The following KLHL7 variants were observed in gnomAD, a reference collection of about 807,000 sequenced individuals.
The protein encoded by KLHL7 is kelch-like protein 7.
KLHL7 carries 44 observed loss-of-function variants against 67.4 expected under a neutral mutation model. The observed-to-expected ratio is 0.65, with a 90% CI of 0.51 to 0.84. KLHL7 has a LOEUF of 0.84. Ranked by LOEUF, KLHL7 falls within the 40% of genes least tolerant of loss-of-function variation. KLHL7 has a pLI of 0.00. For missense variants in KLHL7, 362 were observed against 718.1 expected (o/e 0.50, Z 5.67); for synonymous variants, 252 against 243.3 (o/e 1.04, Z -0.33).
chr7:23,120,710 G>A (rs778264507), intron 1 of KLHL7, among the ~76,000 whole-genome samples: 2 of 152,150 alleles, frequency 1.3e-5, no homozygotes, highest in Non-Finnish European at 2.9e-5. Context: ...GGGACTACAG[G>A]CATGTGCCAT....
intron 7 of KLHL7, among the ~76,000 whole-genome samples, chr7:23,156,777 G>C (rs1784718896): frequency 6.6e-6 from 1 of 152,190 alleles, no homozygotes; most frequent in Admixed American, 6.5e-5. Context: ...TTCATATTCA[G>C]AACTCTAAGG....
chr7:23,149,459 T>C (rs980944027), intron 6 of KLHL7, among the ~76,000 whole-genome samples: 1 of 152,206 alleles, frequency 6.6e-6, no homozygotes, highest in African/African-American at 2.4e-5. Context: ...ACTGGGAATA[T>C]TGCGTTCATA....
intron 6 of KLHL7, 25 bp downstream of exon 6, chr7:23,144,050 T>C (rs1484585189): frequency 2.5e-6 from 4 of 1,594,144 alleles, no homozygotes; most frequent in Non-Finnish European, 3.4e-6. Context: ...TAACCATTTA[T>C]AACCTGATCA....
intron 1 of KLHL7, among the ~76,000 whole-genome samples, chr7:23,117,428 G>T (rs951029391): frequency 4.0e-5 from 6 of 151,836 alleles, no homozygotes; most frequent in African/African-American, 1.5e-4. Flanking sequence ...TTCCTGTTTG[G>T]TCCATAACAC....
chr7:23,152,295 C>T, intron 7 of KLHL7, 86 bp downstream of exon 7: 1 of 1,192,552 alleles, frequency 8.4e-7, no homozygotes, highest in Non-Finnish European at 1.2e-6. Flanking sequence ...GTAGTAATAA[C>T]TCATACCTTT....
intron 1 of KLHL7, 42 bp from the exon 2 acceptor site, chr7:23,123,735 T>C (rs1346698467): frequency 7.4e-7 from 1 of 1,348,674 alleles, no homozygotes; most frequent in Admixed American, 1.7e-5. Context: ...CAAGCTAGGC[T>C]AGTGAGCCTC....
chr7:23,149,965 A>C (rs998990161), intron 6 of KLHL7, among the ~76,000 whole-genome samples: 3 of 152,164 alleles, frequency 2.0e-5, no homozygotes, highest in Middle Eastern at 6.3e-3. Context: ...TAAAGACCCA[A>C]CATAGCCTCA....
chr7:23,163,459 A>C (rs1334388528), intron 7 of KLHL7, among the ~76,000 whole-genome samples: 3 of 152,206 alleles, frequency 2.0e-5, no homozygotes, highest in Non-Finnish European at 2.9e-5. Flanking sequence ...GGCATGAGCC[A>C]CCACATCCGG....
At chr7:23,139,097 A>AAAG (rs1363312690) in intron 4 of KLHL7, among the ~76,000 whole-genome samples, 2 of 151,720 alleles carry the variant, frequency 1.3e-5, no homozygotes, top group African/African-American at 4.8e-5. Flanking sequence ...CTAAAAAAAA[A>AAAG]AAAAAAACAA....
At chr7:23,106,317 A>G in intron 1 of KLHL7, 171 bp downstream of exon 1, 1 of 1,473,442 alleles carries the variant, frequency 6.8e-7, no homozygotes, top group Non-Finnish European at 9.0e-7. Context: ...AGGGGCGCGT[A>G]AAACAATTCT....
At chr7:23,131,604 C>A (rs1015105776) in intron 4 of KLHL7, among the ~76,000 whole-genome samples, 1 of 152,098 alleles carries the variant, frequency 6.6e-6, no homozygotes. Flanking sequence ...AATGGGGTAT[C>A]CATCCCCTCA....
chr7:23,170,846 A>G (rs1254783753), intron 9 of KLHL7, among the ~76,000 whole-genome samples: 1 of 152,196 alleles, frequency 6.6e-6, no homozygotes, highest in East Asian at 1.9e-4. Context: ...GAAGAAAGAA[A>G]GAAATTATGT....
chr7:23,167,130 T>G (rs554034645), intron 8 of KLHL7, among the ~76,000 whole-genome samples: 1 of 151,786 alleles, frequency 6.6e-6, no homozygotes, highest in Non-Finnish European at 1.5e-5. Context: ...TTTTTGTCCT[T>G]GGGAAGGAAA....
chr7:23,171,430 G>A (rs904490703), intron 9 of KLHL7, among the ~76,000 whole-genome samples: 3 of 152,122 alleles, frequency 2.0e-5, no homozygotes, highest in Non-Finnish European at 4.4e-5. Context: ...TGATAGCTGA[G>A]TCTATAAATC....
intron 4 of KLHL7, among the ~76,000 whole-genome samples, chr7:23,137,905 G>A (rs997274148): frequency 2.0e-5 from 3 of 151,326 alleles, no homozygotes; most frequent in Admixed American, 2.0e-4. Flanking sequence ...GGCCAGGCAT[G>A]GTGGCTTATG....
chr7:23,112,396 A>G (rs1423621137), intron 1 of KLHL7, among the ~76,000 whole-genome samples: 1 of 152,188 alleles, frequency 6.6e-6, no homozygotes, highest in East Asian at 1.9e-4. Flanking sequence ...TGTGGGTTAG[A>G]TGTATATATT....
In KLHL7 at chr7:23,172,660, C is replaced by T. The variant is rs539691174; in HGVS notation, c.1380-288C>T. ...TTCCCATATTACAAGTTTTTATGAACCTCAGGAAATGGATTTCCTCTAAAA... is the reference window on the plus strand; with the variant it reads ...TTCCCATATTACAAGTTTTTATGAATCTCAGGAAATGGATTTCCTCTAAAA... On this transcript the variant is annotated intron_variant, in intron 9 of 10. Transcript: ENST00000339077. The T allele has an allele frequency of 3.7e-5, 10 of 273,300 alleles. No homozygotes were observed. The South Asian group carries it at 5.6e-4, about 15-fold the overall frequency. 16.9% of individuals were successfully genotyped at this position (273,300 alleles called of 1,614,324 possible).
At chr7:23,126,390 G>A (rs932457450) in intron 4 of KLHL7, among the ~76,000 whole-genome samples, 5 of 152,176 alleles carry the variant, frequency 3.3e-5, no homozygotes, top group African/African-American at 1.2e-4. Flanking sequence ...ATTTTCCTAC[G>A]CTTGTTGTGA....
chr7:23,140,280 C>T (rs189940644), intron 4 of KLHL7, among the ~76,000 whole-genome samples: 38 of 152,210 alleles, frequency 2.5e-4, no homozygotes, highest in South Asian at 4.1e-4. Context: ...ACCAGCTGGG[C>T]GCGGTGGCTC....
Sources: allele counts gnomAD v4.1 joint callset (sites outside exome capture counted in the v4.1 genomes callset), GRCh38; gene constraint gnomAD v4.1.1; transcripts MANE v1.5; gene names NCBI Gene and HGNC (gene_info 2026-07-23, HGNC 2026-07-21).